DNM3: variants seen among roughly 807,000 people sequenced by gnomAD.
DNM3 encodes the protein dynamin-3.
A neutral mutation model predicts 101.6 loss-of-function variants in DNM3; 47 were observed. The observed-to-expected ratio is 0.46, with a 90% confidence interval of 0.37 to 0.59. The LOEUF (loss-of-function observed/expected upper bound fraction) is 0.59. DNM3 is among the 20% of genes least tolerant of loss of function. DNM3 has a pLI of 0.00. For synonymous variants in DNM3, 385 were observed against 387.9 expected (o/e 0.99, Z 0.09); for missense variants, 849 against 1,085.7 (o/e 0.78, Z 3.06).
intron 14 of DNM3, among the ~76,000 whole-genome samples, chr1:172,217,655 A>T (rs2060753161): frequency 6.6e-6 from 1 of 152,128 alleles, no homozygotes; most frequent in Non-Finnish European, 1.5e-5. Context: ...CCTGTATCTT[A>T]CAATCTACTA....
At chr1:171,922,899 A>G (rs910776841) in intron 2 of DNM3, among the ~76,000 whole-genome samples, 2 of 152,226 alleles carry the variant, frequency 1.3e-5, no homozygotes, top group African/African-American at 2.4e-5. Flanking sequence ...TTTATGGCCT[A>G]ATAATATTCC....
intron 2 of DNM3, among the ~76,000 whole-genome samples, chr1:171,925,755 G>A (rs915971436): frequency 5.3e-5 from 8 of 152,068 alleles, no homozygotes; most frequent in African/African-American, 1.9e-4. Context: ...ATTGCTTTTG[G>A]GGTCTTAGTG....
At chr1:172,339,134 T>C (rs988524433) in intron 17 of DNM3, 1 of 429,954 alleles carries the variant, frequency 2.3e-6, no homozygotes, top group African/African-American at 2.1e-5. Flanking sequence ...TATGTTAAGT[T>C]GTTGCTTTTC....
rs767524931 is a variant in DNM3 at position 172,051,768 on chromosome 1, CA to C, written c.1335+3020del. On this transcript the variant is annotated intron_variant, in intron 10 of 20. Transcript: ENST00000627582. ...TTCCAGCATTAAACCTTAGAGCCCACAAGGTGTATGGGTGAGCAGATGTACA... is the reference window on the plus strand; with the variant it reads ...TTCCAGCATTAAACCTTAGAGCCCACAGGTGTATGGGTGAGCAGATGTACA... Among the ~76,000 whole-genome samples, 8 of 152,316 alleles carry C rather than the reference CA, an allele frequency of 5.3e-5. No individual in the cohort carries two copies. In the East Asian group the frequency reaches 1.2e-3, roughly 22 times the overall value.
chr1:171,961,494 G>A (rs953712003), intron 2 of DNM3, among the ~76,000 whole-genome samples: 3 of 152,122 alleles, frequency 2.0e-5, no homozygotes, highest in African/African-American at 7.2e-5. Flanking sequence ...ATGCATTATT[G>A]GTAGGAATGG....
At chr1:171,982,710 TTATAGTAG>T (rs1432803416) in intron 2 of DNM3, among the ~76,000 whole-genome samples, 1 of 152,018 alleles carries the variant, frequency 6.6e-6, no homozygotes, top group Non-Finnish European at 1.5e-5. Flanking sequence ...TTATACAGTA[TTATAGTAG>T]TATATAAACT....
chr1:172,399,294 C>A (rs1481839378), intron 20 of DNM3, among the ~76,000 whole-genome samples: 4 of 152,156 alleles, frequency 2.6e-5, no homozygotes, highest in Non-Finnish European at 5.9e-5. Context: ...CTTCAACCAA[C>A]AATGAAAATT....
At chr1:171,918,971 C>G (rs915928294) in intron 1 of DNM3, among the ~76,000 whole-genome samples, 7 of 151,818 alleles carry the variant, frequency 4.6e-5, no homozygotes, top group African/African-American at 1.7e-4. Flanking sequence ...TTTCTTCTTT[C>G]TTCTCTCTGT....
chr1:172,020,833 C>T (rs1243319175), intron 4 of DNM3, among the ~76,000 whole-genome samples: 3 of 151,562 alleles, frequency 2.0e-5, no homozygotes, highest in African/African-American at 7.3e-5. Flanking sequence ...TAATTTACTG[C>T]GAGAATTTAT....
intron 17 of DNM3, chr1:172,339,002 C>T: frequency 2.2e-6 from 1 of 462,578 alleles, no homozygotes; most frequent in South Asian, 1.6e-5. Context: ...GGTGTATTCA[C>T]AGTTTCTCTT....
intron 16 of DNM3, chr1:172,310,978 G>C (rs771123833): frequency 6.6e-6 from 1 of 152,188 alleles, no homozygotes; most frequent in Non-Finnish European, 1.5e-5. Flanking sequence ...CTTCCAAGCT[G>C]TGAGGTCTTG....
At chr1:172,375,695 CTT>C (rs1272776548) in intron 17 of DNM3, among the ~76,000 whole-genome samples, 1 of 152,040 alleles carries the variant, frequency 6.6e-6, no homozygotes, top group Non-Finnish European at 1.5e-5. Flanking sequence ...TGATTCAACA[CTT>C]TCATTCCCTC....
At chr1:172,151,378 A>G (rs1255362744) in intron 14 of DNM3, among the ~76,000 whole-genome samples, 1 of 152,186 alleles carries the variant, frequency 6.6e-6, no homozygotes, top group African/African-American at 2.4e-5. Context: ...ATTGGTTTCT[A>G]TTCGAGTGGA....
rs551382580 is a variant in DNM3, at chr1:172,392,846, A to G, written c.2522+4037A>G. 4.6e-5 allele frequency among the ~76,000 whole-genome samples: 7 copies of G among 152,340 alleles called. No individual in the cohort carries two copies. The South Asian group carries it at 1.5e-3, about 32-fold the overall frequency. On this transcript the variant is annotated intron_variant, in intron 20 of 20. Transcript: ENST00000627582. ...CACCAAGTATGATGGTTTCTCTTTA[A>G]AAAGACAAAACTGAATCATTCGAAA... is the stretch of plus-strand genomic sequence containing the variant.
At chr1:172,320,746 T>C (rs1240146948) in intron 16 of DNM3, among the ~76,000 whole-genome samples, 1 of 152,084 alleles carries the variant, frequency 6.6e-6, no homozygotes, top group Non-Finnish European at 1.5e-5. Flanking sequence ...TCTGATGCAC[T>C]CTGGGGGGAT....
At chr1:172,019,751 T>C (rs1268077116) in intron 4 of DNM3, among the ~76,000 whole-genome samples, 1 of 152,094 alleles carries the variant, frequency 6.6e-6, no homozygotes, top group Non-Finnish European at 1.5e-5. Flanking sequence ...TCCAGTCCAG[T>C]CAAATGAACC....
At chr1:171,964,827 C>T (rs969281169) in intron 2 of DNM3, among the ~76,000 whole-genome samples, 1 of 151,436 alleles carries the variant, frequency 6.6e-6, no homozygotes, top group African/African-American at 2.4e-5. Context: ...GCTTGGTCCC[C>T]TCAGTGATTT....
intron 2 of DNM3, among the ~76,000 whole-genome samples, chr1:171,956,121 C>T (rs1383582250): frequency 1.3e-5 from 2 of 152,044 alleles, no homozygotes; most frequent in African/African-American, 2.4e-5. Flanking sequence ...CTCCCAAATC[C>T]CATGTCCTCA....
In DNM3 at chr1:172,058,768, A is replaced by G. The variant is rs558729403; in HGVS notation, c.1335+10018A>G. Among the ~76,000 whole-genome samples the G allele has an allele frequency of 6.0e-3, 909 of 151,696 alleles. 10 individuals carry two copies. Among genetic ancestry groups the G allele is most frequent in the African/African-American group, 0.021 (861 of 41,384 alleles). The stretch of plus-strand genomic sequence containing the variant: ...GGAAAGATCCAAAATTGACACCCTA[A>G]CATCACAATTAAAAGAACTAGAAAA... On this transcript the variant is annotated intron_variant, in intron 10 of 20. Transcript: ENST00000627582.
Sources: gnomAD v4.1 joint callset for allele counts (sites outside exome capture counted in the v4.1 genomes callset) on GRCh38, gnomAD v4.1.1 for gene constraint, MANE v1.5 for transcripts, NCBI Gene and HGNC (gene_info 2026-07-23, HGNC 2026-07-21) for gene names.